The following ALG12 variants were observed in gnomAD, a reference collection of about 807,000 sequenced individuals.
The protein encoded by ALG12 is ALG12 alpha-1,6-mannosyltransferase, also known as dol-P-Man:Man(7)GlcNAc(2)-PP-Dol alpha-1,6-mannosyltransferase.
A neutral mutation model predicts 46.0 loss-of-function variants in ALG12; 36 were observed. That is an observed-to-expected ratio of 0.78 (90% CI 0.60 to 1.03). ALG12 has a LOEUF of 1.03. ALG12 is among the 50% of genes least tolerant of loss of function. ALG12 has a pLI of 0.00. For missense variants in ALG12, 599 were observed against 633.5 expected, an observed-to-expected ratio of 0.95 and a Z score of 0.58; for synonymous variants, 326 against 291.6, an observed-to-expected ratio of 1.12 and a Z score of -1.20.
At chr22:49,883,590 TC>T in the ALG12 span, 120 of 1,446,074 alleles carry the variant, frequency 8.3e-5, no homozygotes, top group Non-Finnish European at 1.0e-4. Context: ...TAATCTACAT[TC>T]GGGGGCACAA....
rs1308102113 is a variant in ALG12, at chr22:49,903,789, A to G, written c.*49T>C. The G allele has an allele frequency of 2.5e-6, 4 of 1,588,348 alleles. No individual in the cohort carries two copies. The highest frequency in any genetic ancestry group is 3.3e-5 in the Admixed American group (2 of 59,982). ...GGAATTGTGCCAGAAACTGGTAGTG[A>G]TAACAGCTCCTGGAAGGCCTGTGGC... On this transcript the variant is annotated 3_prime_UTR_variant, in exon 10 of 10. Transcript: ENST00000330817.
At chr22:49,886,460 T>C in the ALG12 span, 1 of 1,574,204 alleles carries the variant, frequency 6.4e-7, no homozygotes, top group Non-Finnish European at 8.6e-7. This position sits in a 1 kb window ranked among gnomAD's most constrained non-coding sequence, Gnocchi z 7.7. Flanking sequence ...ATGCAGTCCG[T>C]GTGCCGTGCG....
At chr22:49,917,837 T>A (rs2060622824) in intron 1 of ALG12, among the ~76,000 whole-genome samples, 1 of 143,090 alleles carries the variant, frequency 7.0e-6, no homozygotes, top group South Asian at 2.3e-4. Context: ...GAGCGAGTGT[T>A]CATCACCTCA....
At chr22:49,865,997 T>C in the ALG12 span, among the ~76,000 whole-genome samples, 1 of 152,086 alleles carries the variant, frequency 6.6e-6, no homozygotes, top group Non-Finnish European at 1.5e-5. Context: ...CGTGGGCCAC[T>C]GTGCCTGGCT....
At chr22:49,912,433 TC>T (rs896981230) in intron 3 of ALG12, among the ~76,000 whole-genome samples, 45 of 152,216 alleles carry the variant, frequency 3.0e-4, no homozygotes, top group African/African-American at 1.1e-3. Flanking sequence ...CCTGTGGACT[TC>T]CTTTCCCTGG....
chr22:49,886,360 G>A, the ALG12 span: 16 of 1,610,150 alleles, frequency 9.9e-6, no homozygotes, highest in East Asian at 2.2e-5. The surrounding 1 kb of genome is among the most constrained non-coding windows in gnomAD (Gnocchi z 7.7). Flanking sequence ...CCACATGCTC[G>A]AGCGGCTCAT....
the ALG12 span, among the ~76,000 whole-genome samples, chr22:49,869,660 C>G: frequency 6.6e-6 from 1 of 152,028 alleles, no homozygotes; most frequent in African/African-American, 2.4e-5. Context: ...CTTAAAATAG[C>G]TTTCATGGAA....
chr22:49,915,501 G>C (rs796782641), intron 1 of ALG12, among the ~76,000 whole-genome samples: 3 of 148,934 alleles, frequency 2.0e-5, no homozygotes, highest in African/African-American at 7.4e-5. Flanking sequence ...AGGCCGCAGT[G>C]AGCCGAGATC....
chr22:49,863,644 T>C, the ALG12 span, among the ~76,000 whole-genome samples: 2 of 147,518 alleles, frequency 1.4e-5, no homozygotes, highest in South Asian at 4.4e-4. Context: ...AAAAAAAAAG[T>C]GTGATGTTCT....
At chr22:49,863,307 G>A in the ALG12 span, among the ~76,000 whole-genome samples, 28 of 152,166 alleles carry the variant, frequency 1.8e-4, no homozygotes, top group African/African-American at 6.3e-4. Context: ...CCACAGGCAC[G>A]CATCACCACA....
intron 1 of ALG12, among the ~76,000 whole-genome samples, 177 bp from the exon 2 acceptor site, chr22:49,914,020 C>A (rs548351392): frequency 5.3e-5 from 8 of 152,366 alleles, no homozygotes; most frequent in African/African-American, 1.9e-4. Context: ...GAGAATCTTT[C>A]ATACTGTAAC....
At chr22:49,904,538 G>C in intron 7 of ALG12, 32 bp from the exon 8 acceptor site, 1 of 1,612,354 alleles carries the variant, frequency 6.2e-7, no homozygotes, top group Non-Finnish European at 8.5e-7. Flanking sequence ...ATCATAGGCA[G>C]AACGTAATGA....
chr22:49,889,475 G>A, the ALG12 span: 11 of 166,890 alleles, frequency 6.6e-5, no homozygotes, highest in South Asian at 2.1e-4. Context: ...TTTTTTGTTT[G>A]TTTTTTTAAG....
chr22:49,884,354 C>T, the ALG12 span: 1 of 1,613,268 alleles, frequency 6.2e-7, no homozygotes, highest in Non-Finnish European at 8.5e-7. Context: ...TCTGTAGTTT[C>T]TTCTGAAGAA....
At chr22:49,866,301 C>A in the ALG12 span, among the ~76,000 whole-genome samples, 1 of 152,098 alleles carries the variant, frequency 6.6e-6, no homozygotes, top group African/African-American at 2.4e-5. Context: ...TCTGGGGTGG[C>A]TGTTCTGATT....
At chr22:49,875,731 A>T in the ALG12 span, among the ~76,000 whole-genome samples, 2 of 151,998 alleles carry the variant, frequency 1.3e-5, no homozygotes, top group African/African-American at 4.8e-5. Flanking sequence ...TGTCCATTTC[A>T]TCTGAGTTGC....
the ALG12 span, among the ~76,000 whole-genome samples, chr22:49,878,998 A>G: frequency 6.6e-6 from 1 of 151,474 alleles, no homozygotes; most frequent in Non-Finnish European, 1.5e-5. Flanking sequence ...CAAAAAAATT[A>G]GCCGGGTGTG....
downstream of ALG12, among the ~76,000 whole-genome samples, chr22:49,895,729 G>A (rs868116816): frequency 6.6e-5 from 10 of 151,878 alleles, no homozygotes; most frequent in Middle Eastern, 3.4e-3. Context: ...GTTTACTTAC[G>A]GCTTTACAAT....
chr22:49,860,935 C>T, the ALG12 span, among the ~76,000 whole-genome samples: 125 of 151,988 alleles, frequency 8.2e-4, 1 homozygote, highest in Non-Finnish European at 1.3e-3. Context: ...CCCACCACCA[C>T]GCCCAGCTAA....
Sources: allele counts gnomAD v4.1 joint callset (sites outside exome capture counted in the v4.1 genomes callset), GRCh38; gene constraint gnomAD v4.1.1; non-coding constraint Gnocchi (gnomAD v3.1); transcripts MANE v1.5; gene names NCBI Gene and HGNC (gene_info 2026-07-23, HGNC 2026-07-21).